EYA3: variants seen among roughly 807,000 people sequenced by gnomAD.
The protein encoded by EYA3 is protein phosphatase EYA3.
A neutral mutation model predicts 80.0 loss-of-function variants in EYA3; 39 were observed. That is an observed-to-expected ratio of 0.49 (90% CI 0.38 to 0.64). EYA3 has a LOEUF of 0.64. Ranked by LOEUF, EYA3 falls within the 30% of genes least tolerant of loss-of-function variation. The probability of loss-of-function intolerance (pLI) is 0.00; values close to 1 mark genes in which losing one functional copy is unlikely to be tolerated. For missense variants in EYA3, 523 were observed against 676.1 expected, an observed-to-expected ratio of 0.77 and a Z score of 2.51; for synonymous variants, 206 against 232.8, an observed-to-expected ratio of 0.88 and a Z score of 1.05.
chr1:27,997,387 A>C lies in EYA3; in HGVS notation c.1084-9T>G. The C allele has an allele frequency of 6.2e-7, 1 of 1,613,380 alleles. No individual in the cohort carries two copies. Among genetic ancestry groups the C allele is most frequent in the East Asian group, 2.2e-5 (1 of 44,876 alleles). ...TGTACCTGGTCACACTCCTGTTAAAAGACAAAACATATTACTTCAGTCCAG... is the reference window on the plus strand; with the variant it reads ...TGTACCTGGTCACACTCCTGTTAAACGACAAAACATATTACTTCAGTCCAG... On this transcript the variant is annotated splice_polypyrimidine_tract_variant and intron_variant, in intron 12 of 17. Coordinates refer to ENST00000373871, the MANE Select transcript of EYA3 (RefSeq NM_001990.4).
intron 10 of EYA3, among the ~76,000 whole-genome samples, chr1:28,008,593 G>C (rs1641468136): frequency 6.6e-6 from 1 of 151,968 alleles, no homozygotes; most frequent in Non-Finnish European, 1.5e-5. Flanking sequence ...GAATATTCTA[G>C]AATATTAATA....
At chr1:28,042,771 A>G (rs1167742372) in intron 3 of EYA3, 121 bp from the exon 4 acceptor site, 3 of 725,740 alleles carry the variant, frequency 4.1e-6, no homozygotes, top group Non-Finnish European at 7.4e-6. Context: ...AATCTTCGTG[A>G]TATCCTTATT....
chr1:28,014,310 C>G (rs1190162287), intron 8 of EYA3, among the ~76,000 whole-genome samples: 1 of 148,280 alleles, frequency 6.7e-6, no homozygotes, highest in Non-Finnish European at 1.5e-5. Context: ...CCTGTGGTCT[C>G]AGCTATTCGG....
At chr1:28,086,839 A>G (rs1293362905) in intron 1 of EYA3, among the ~76,000 whole-genome samples, 1 of 152,220 alleles carries the variant, frequency 6.6e-6, no homozygotes, top group Non-Finnish European at 1.5e-5. Flanking sequence ...TAGCAGTTAG[A>G]TAAGTCCTGA....
chr1:27,981,751 G>A (rs907203153), intron 16 of EYA3, among the ~76,000 whole-genome samples: 2 of 142,434 alleles, frequency 1.4e-5, no homozygotes, highest in Non-Finnish European at 3.0e-5. Flanking sequence ...CTAGCCTGGT[G>A]AGACCCTGTC....
At chr1:28,054,753 A>G (rs560471443) in intron 2 of EYA3, among the ~76,000 whole-genome samples, 1 of 152,176 alleles carries the variant, frequency 6.6e-6, no homozygotes, top group Non-Finnish European at 1.5e-5. Context: ...TGGGAGGCTG[A>G]GGTGGGAGCA....
At chr1:28,054,221 C>T (rs1035116176) in intron 2 of EYA3, among the ~76,000 whole-genome samples, 3 of 152,106 alleles carry the variant, frequency 2.0e-5, no homozygotes, top group African/African-American at 7.2e-5. Context: ...AATTTGACTT[C>T]AAGAACTTAA....
At chr1:28,084,758 G>A (rs1483993578) in intron 1 of EYA3, among the ~76,000 whole-genome samples, 3 of 150,514 alleles carry the variant, frequency 2.0e-5, no homozygotes, top group Non-Finnish European at 3.0e-5. Context: ...ACAGGCATAC[G>A]CCGCCACGCC....
chr1:28,086,461 G>A (rs1645657033), intron 1 of EYA3, among the ~76,000 whole-genome samples: 1 of 152,156 alleles, frequency 6.6e-6, no homozygotes, highest in Admixed American at 6.5e-5. Flanking sequence ...GGGGATTATA[G>A]GTGTGAACCA....
chr1:28,018,892 G>A (rs1211718795), intron 7 of EYA3, among the ~76,000 whole-genome samples: 8 of 152,180 alleles, frequency 5.3e-5, no homozygotes, highest in East Asian at 1.9e-4. Flanking sequence ...GGCCAGGTGC[G>A]TGGTGGCTCA....
intron 6 of EYA3, among the ~76,000 whole-genome samples, chr1:28,032,652 C>A (rs1408992145): frequency 1.3e-5 from 2 of 152,150 alleles, no homozygotes; most frequent in Non-Finnish European, 2.9e-5. Flanking sequence ...CCTTCAGATT[C>A]CTAGAAGTTA....
chr1:28,035,718 T>A (rs1411847955), intron 5 of EYA3, 38 bp from the exon 6 acceptor site: 1 of 1,606,038 alleles, frequency 6.2e-7, no homozygotes, highest in South Asian at 1.1e-5. Flanking sequence ...TTTGTGTGAT[T>A]TACTTTAGTA....
chr1:28,052,633 T>C (rs1343612959), intron 2 of EYA3, among the ~76,000 whole-genome samples: 2 of 152,158 alleles, frequency 1.3e-5, no homozygotes, highest in South Asian at 2.1e-4. Context: ...TAGGAGAATA[T>C]GTATGCTCTC....
chr1:28,027,941 T>C lies in EYA3; in HGVS notation c.362-15A>G, dbSNP rs765172913. ...CCACAATGCACCTGAATCAGATAAA[T>C]TGGACCAATTACAAACAATACACTG... On this transcript the variant is annotated splice_polypyrimidine_tract_variant and intron_variant, in intron 6 of 17. Coordinates refer to ENST00000373871, the MANE Select transcript of EYA3 (RefSeq NM_001990.4). 1.1e-5 allele frequency: 18 copies of C among 1,613,878 alleles called. No homozygotes were observed. Among genetic ancestry groups the C allele is most frequent in the South Asian group, 4.4e-5 (4 of 91,086 alleles).
intron 16 of EYA3, among the ~76,000 whole-genome samples, chr1:27,986,462 G>T (rs796812474): frequency 1.4e-5 from 2 of 146,230 alleles, no homozygotes; most frequent in Non-Finnish European, 3.0e-5. Context: ...GCAGTAGCGC[G>T]ATCTCGGCTC....
At chr1:28,042,433 C>T in intron 4 of EYA3, 138 bp downstream of exon 4, 1 of 687,100 alleles carries the variant, frequency 1.5e-6, no homozygotes, top group East Asian at 2.7e-5. Flanking sequence ...CAAGGATAAA[C>T]ACACACAAAA....
At chr1:28,044,692 G>T (rs868843373) in intron 3 of EYA3, among the ~76,000 whole-genome samples, 1 of 152,076 alleles carries the variant, frequency 6.6e-6, no homozygotes, top group Non-Finnish European at 1.5e-5. Flanking sequence ...TAAAGTTCTC[G>T]TATCATTTCT....
chr1:28,008,467 T>A (rs573465776), intron 10 of EYA3, among the ~76,000 whole-genome samples: 372 of 151,906 alleles, frequency 2.4e-3, no homozygotes, highest in African/African-American at 8.6e-3. Flanking sequence ...TTCCTAAACA[T>A]TAAAAATTTT....
intron 16 of EYA3, among the ~76,000 whole-genome samples, chr1:27,986,969 TG>T (rs1639702531): frequency 6.6e-6 from 1 of 152,214 alleles, no homozygotes; most frequent in African/African-American, 2.4e-5. Flanking sequence ...CCCAAAGTGC[TG>T]GGATTACAGG....
Sources: gnomAD v4.1 joint callset for allele counts (sites outside exome capture counted in the v4.1 genomes callset) on GRCh38, gnomAD v4.1.1 for gene constraint, MANE v1.5 for transcripts, NCBI Gene and HGNC (gene_info 2026-07-23, HGNC 2026-07-21) for gene names.